Variants in PTPRN2 observed in about 807,000 individuals in gnomAD.
PTPRN2 encodes the protein receptor-type tyrosine-protein phosphatase N2.
In PTPRN2, 74 loss-of-function variants were observed where a neutral mutation model predicts 118.8. That is an observed-to-expected ratio of 0.62 (90% CI 0.52 to 0.76). The LOEUF is 0.76. Among genes scored for constraint, PTPRN2 ranks in the 30% least tolerant of loss-of-function variants. The pLI, the probability that PTPRN2 is intolerant of heterozygous loss-of-function variation, is 0.00. For synonymous variants in PTPRN2, 641 were observed against 608.0 expected (o/e 1.05, Z -0.80); for missense variants, 1,481 against 1,394.4 (o/e 1.06, Z -0.99).
intron 12 of PTPRN2, among the ~76,000 whole-genome samples, chr7:157,878,032 C>T (rs1306052171): frequency 1.3e-5 from 2 of 152,372 alleles, no homozygotes; most frequent in African/African-American, 2.4e-5. Flanking sequence ...GGCTACTTGG[C>T]GGTGTTCCGG....
chr7:157,637,502 C>T (rs1804390798), intron 14 of PTPRN2, among the ~76,000 whole-genome samples: 1 of 152,146 alleles, frequency 6.6e-6, no homozygotes. Context: ...CCTTCAAAAG[C>T]CGTTTCGTAT....
At chr7:158,559,071 C>G in intron 1 of PTPRN2, among the ~76,000 whole-genome samples, 1 of 152,228 alleles carries the variant, frequency 6.6e-6, no homozygotes, top group African/African-American at 2.4e-5. Flanking sequence ...CAGATCCCGA[C>G]AGAGCAGAGG....
intron 11 of PTPRN2, among the ~76,000 whole-genome samples, chr7:157,952,390 T>C (rs1800878206): frequency 1.1e-5 from 1 of 94,762 alleles, no homozygotes; most frequent in Admixed American, 1.3e-4. Context: ...GGGTGGGTAG[T>C]GTGCATCCCT....
At chr7:158,149,022 C>T (rs1318251450) in intron 6 of PTPRN2, among the ~76,000 whole-genome samples, 5 of 134,702 alleles carry the variant, frequency 3.7e-5, no homozygotes, top group African/African-American at 5.9e-5. Flanking sequence ...TCCCATCTCA[C>T]GCCACGTGTC....
intron 6 of PTPRN2, among the ~76,000 whole-genome samples, chr7:158,151,072 C>G (rs1269623557): frequency 1.0e-5 from 1 of 98,220 alleles, no homozygotes; most frequent in African/African-American, 4.1e-5. Context: ...CGCCTTTCCA[C>G]TCTTGCCCCT....
At chr7:157,608,509 G>C (rs183957804) in intron 15 of PTPRN2, among the ~76,000 whole-genome samples, 2 of 152,174 alleles carry the variant, frequency 1.3e-5, no homozygotes, top group South Asian at 4.1e-4. Flanking sequence ...ACCGTTCCTC[G>C]TGCGGAGAGT....
In PTPRN2 at chr7:158,139,350, C is replaced by T. The variant is rs115300653; in HGVS notation, c.911-835G>A. On this transcript the variant is annotated intron_variant, in intron 6 of 22. Transcript: ENST00000389418. ...TGAAATTTAAAATTTATGTCCATTACGGGTGGACATAACGGAAGAAACGGT... is the reference window on the plus strand; with the variant it reads ...TGAAATTTAAAATTTATGTCCATTATGGGTGGACATAACGGAAGAAACGGT... Among the ~76,000 whole-genome samples the T allele has an allele frequency of 7.6e-3, 1,157 of 152,150 alleles. 21 individuals are homozygous for T. Among genetic ancestry groups the T allele is most frequent in the African/African-American group, 0.026 (1,082 of 41,510 alleles).
intron 2 of PTPRN2, among the ~76,000 whole-genome samples, chr7:158,326,650 A>G (rs562955544): frequency 6.4e-4 from 17 of 26,678 alleles, no homozygotes; most frequent in African/African-American, 1.5e-3. Context: ...GTTTTCACAC[A>G]TGCTCACACT....
chr7:158,266,916 T>C (rs1797922126), intron 3 of PTPRN2, among the ~76,000 whole-genome samples: 2 of 152,190 alleles, frequency 1.3e-5, no homozygotes, highest in Non-Finnish European at 2.9e-5. Context: ...GGGCCGGCCT[T>C]CAGGGGTGGT....
At position 157,585,614 on chromosome 7, in the gene PTPRN2, C is replaced by T. The variant is rs752726516; in HGVS notation, c.2497-7474G>A. ...TCCCTGTGGCCTCTGCCTGTGCTCA[C>T]GTTCCCGGTTAAATATGCGCCTGGT... is the stretch of plus-strand genomic sequence containing the variant. On this transcript the variant is annotated intron_variant, in intron 17 of 22. Transcript: ENST00000389418. The surrounding 1 kb of genome is among the most constrained non-coding windows in gnomAD (Gnocchi z 5.2). Among the ~76,000 whole-genome samples the T allele has an allele frequency of 8.5e-5, 13 of 152,350 alleles. No homozygotes were observed. Among genetic ancestry groups the T allele is most frequent in the Middle Eastern group, 6.8e-3 (2 of 294 alleles).
intron 10 of PTPRN2, among the ~76,000 whole-genome samples, chr7:158,105,488 C>A (rs1391564083): frequency 1.3e-5 from 2 of 151,690 alleles, no homozygotes; most frequent in East Asian, 3.9e-4. Context: ...AGCTCCATCC[C>A]ATCTCCACTC....
At chr7:158,440,116 A>G (rs1471293993) in intron 2 of PTPRN2, among the ~76,000 whole-genome samples, 1 of 152,218 alleles carries the variant, frequency 6.6e-6, no homozygotes, top group African/African-American at 2.4e-5. Context: ...CATTTCTCCC[A>G]AATTCAGTTG....
intron 2 of PTPRN2, among the ~76,000 whole-genome samples, chr7:158,380,625 T>G (rs543911339): frequency 1.3e-5 from 2 of 152,312 alleles, no homozygotes; most frequent in African/African-American, 4.8e-5. Context: ...ACAGTGCCAG[T>G]TGTTGGTAGA....
intron 6 of PTPRN2, among the ~76,000 whole-genome samples, chr7:158,141,692 C>T (rs532349920): frequency 2.0e-3 from 298 of 152,276 alleles, no homozygotes; most frequent in Admixed American, 3.1e-3. Context: ...CAGGGTCTCG[C>T]ATGGAAAGGG....
chr7:158,525,074 A>G lies in PTPRN2; in HGVS notation c.113-35289T>C, dbSNP rs1824666369. Among the ~76,000 whole-genome samples, 1 of 152,088 alleles carries G rather than the reference A, an allele frequency of 6.6e-6. No individual in the cohort carries two copies. The highest frequency in any genetic ancestry group is 2.1e-4 in the South Asian group (1 of 4,824). ...CTTGGAAGACTGTGGCTCAGGATGC[A>G]AGGCTCTGACTGAACCCTCAAGCTG... On this transcript the variant is annotated intron_variant, in intron 1 of 22. Coordinates refer to ENST00000389418, the MANE Select transcript of PTPRN2 (RefSeq NM_002847.5). This position sits in a 1 kb window ranked among gnomAD's most constrained non-coding sequence, Gnocchi z 4.1.
At chr7:157,958,009 A>G (rs903786318) in intron 11 of PTPRN2, among the ~76,000 whole-genome samples, 2 of 152,194 alleles carry the variant, frequency 1.3e-5, no homozygotes, top group African/African-American at 4.8e-5. Flanking sequence ...TAGTAGACAA[A>G]ATTCGGAAGT....
intron 9 of PTPRN2, among the ~76,000 whole-genome samples, chr7:158,129,486 GCACA>G (rs950293989): frequency 4.6e-5 from 5 of 107,692 alleles, no homozygotes; most frequent in Non-Finnish European, 1.0e-4. Context: ...ACAACACACA[GCACA>G]CACACACACC....
chr7:158,473,379 C>T (rs1217000579), intron 2 of PTPRN2, among the ~76,000 whole-genome samples: 1 of 152,206 alleles, frequency 6.6e-6, no homozygotes, highest in Non-Finnish European at 1.5e-5. Flanking sequence ...ACCCCTCTGA[C>T]GAGCTGTTTC....
intron 2 of PTPRN2, among the ~76,000 whole-genome samples, chr7:158,333,903 C>CAA (rs1805034496): frequency 7.6e-5 from 11 of 144,254 alleles, no homozygotes; most frequent in African/African-American, 2.7e-4. Context: ...CTGACACCCG[C>CAA]AGACGTCACT....
Sources: gnomAD v4.1 joint callset for allele counts (sites outside exome capture counted in the v4.1 genomes callset) on GRCh38, gnomAD v4.1.1 for gene constraint, Gnocchi (gnomAD v3.1) non-coding constraint, MANE v1.5 for transcripts, NCBI Gene and HGNC (gene_info 2026-07-23, HGNC 2026-07-21) for gene names.